Variants in TRPM3 observed in about 807,000 individuals in gnomAD.
TRPM3 encodes the protein transient receptor potential cation channel subfamily M member 3.
TRPM3 carries 77 observed loss-of-function variants against 181.2 expected under a neutral mutation model. That is an observed-to-expected ratio of 0.42 (90% CI 0.35 to 0.51). The LOEUF is 0.51. TRPM3 is among the 20% of genes least tolerant of loss of function. The pLI, the probability that TRPM3 is intolerant of heterozygous loss-of-function variation, is 0.01. For missense variants in TRPM3, 1,759 were observed against 2,196.7 expected (o/e 0.80, Z 3.98); for synonymous variants, 745 against 796.4 (o/e 0.94, Z 1.09).
At position 70,839,719 on chromosome 9, in the gene TRPM3, A is replaced by G. The variant is rs547121176; in HGVS notation, c.801+3284T>C. ...TTGACATTTATTTTGTACCTCTTCA[A>G]TATTATTCTGGAGTATAAACAGACT... On this transcript the variant is annotated intron_variant, in intron 5 of 25. Transcript: ENST00000677713. 5.9e-5 allele frequency among the ~76,000 whole-genome samples: 9 copies of G among 152,288 alleles called. No homozygotes were observed. In the South Asian group the frequency reaches 1.9e-3, roughly 32 times the overall value.
At chr9:71,399,171 G>A (rs1464795573) in intron 1 of TRPM3, among the ~76,000 whole-genome samples, 2 of 152,092 alleles carry the variant, frequency 1.3e-5, no homozygotes, top group Admixed American at 1.3e-4. Context: ...AGGAGACTAA[G>A]ATAGTATAAT....
At chr9:71,350,468 A>T (rs1333351267) in intron 1 of TRPM3, among the ~76,000 whole-genome samples, 1 of 152,194 alleles carries the variant, frequency 6.6e-6, no homozygotes, top group Non-Finnish European at 1.5e-5. Context: ...TAAATACAAT[A>T]GGTGGATCGC....
At chr9:71,018,484 G>T (rs898225300) in intron 1 of TRPM3, among the ~76,000 whole-genome samples, 2 of 151,588 alleles carry the variant, frequency 1.3e-5, no homozygotes, top group African/African-American at 2.4e-5. Flanking sequence ...TGTAAAAATG[G>T]TCATCGTCAT....
At chr9:70,764,201 T>C (rs1382384415) in intron 7 of TRPM3, among the ~76,000 whole-genome samples, 4 of 152,210 alleles carry the variant, frequency 2.6e-5, no homozygotes, top group Admixed American at 2.6e-4. Context: ...CAATTAATTT[T>C]CTTGAAAAGT....
intron 1 of TRPM3, among the ~76,000 whole-genome samples, chr9:71,153,026 T>C (rs1047537613): frequency 3.3e-5 from 5 of 152,216 alleles, no homozygotes; most frequent in African/African-American, 1.2e-4. Context: ...GTCATGCCAT[T>C]ACAGCATTTC....
chr9:70,808,136 T>C (rs942445215), intron 6 of TRPM3, among the ~76,000 whole-genome samples: 4 of 152,174 alleles, frequency 2.6e-5, no homozygotes, highest in Non-Finnish European at 2.9e-5. Context: ...AAGGAAGATA[T>C]TGGGTTCCAT....
At chr9:71,276,748 A>C (rs2084244085) in intron 1 of TRPM3, among the ~76,000 whole-genome samples, 1 of 152,232 alleles carries the variant, frequency 6.6e-6, no homozygotes, top group African/African-American at 2.4e-5. Flanking sequence ...ATCACGTAGG[A>C]AAGTTGAACA....
intron 1 of TRPM3, among the ~76,000 whole-genome samples, chr9:71,143,618 T>C (rs899562217): frequency 1.3e-5 from 2 of 152,198 alleles, no homozygotes; most frequent in Non-Finnish European, 2.9e-5. Flanking sequence ...ATTCTATGTG[T>C]TTGCTATTGT....
chr9:70,978,739 T>C (rs2097332584), intron 1 of TRPM3, among the ~76,000 whole-genome samples: 1 of 152,214 alleles, frequency 6.6e-6, no homozygotes, highest in Admixed American at 6.5e-5. Context: ...TGGAAACACA[T>C]TTGTTTTGTT....
At chr9:70,976,434 C>T (rs1211513869) in intron 1 of TRPM3, among the ~76,000 whole-genome samples, 5 of 152,114 alleles carry the variant, frequency 3.3e-5, no homozygotes. Context: ...AAAGCATATG[C>T]CGGAGTAAAG....
intron 1 of TRPM3, among the ~76,000 whole-genome samples, chr9:70,942,728 A>G (rs1025435122): frequency 1.2e-4 from 19 of 152,204 alleles, no homozygotes; most frequent in African/African-American, 4.6e-4. Flanking sequence ...GCAATGTGCT[A>G]TTGGGCAAAC....
intron 1 of TRPM3, among the ~76,000 whole-genome samples, chr9:71,415,825 T>A (rs1300285793): frequency 6.6e-6 from 1 of 151,794 alleles, no homozygotes; most frequent in Non-Finnish European, 1.5e-5. Context: ...GTACAAAGAT[T>A]TTTATAAAAT....
chr9:71,305,410 A>G (rs182447264), intron 1 of TRPM3, among the ~76,000 whole-genome samples: 2 of 152,290 alleles, frequency 1.3e-5, no homozygotes, highest in East Asian at 3.9e-4. Flanking sequence ...AGTAAGGCAG[A>G]AAACTGCCAC....
At chr9:71,050,819 C>A (rs1355572235) in intron 1 of TRPM3, among the ~76,000 whole-genome samples, 1 of 152,190 alleles carries the variant, frequency 6.6e-6, no homozygotes, top group Non-Finnish European at 1.5e-5. Flanking sequence ...GGCCTCTCTT[C>A]AAATATCTCT....
chr9:70,868,541 A>T (rs1263786153), intron 1 of TRPM3, among the ~76,000 whole-genome samples: 1 of 152,042 alleles, frequency 6.6e-6, no homozygotes, highest in African/African-American at 2.4e-5. Flanking sequence ...GAATCTTCTT[A>T]CTATGTCCTC....
intron 1 of TRPM3, among the ~76,000 whole-genome samples, chr9:70,985,952 A>G (rs994168840): frequency 1.3e-5 from 2 of 152,208 alleles, no homozygotes; most frequent in Non-Finnish European, 2.9e-5. Context: ...TTTTATTATT[A>G]TCACACTCTG....
intron 1 of TRPM3, among the ~76,000 whole-genome samples, chr9:71,198,029 A>G (rs2078508606): frequency 6.6e-6 from 1 of 150,654 alleles, no homozygotes. Context: ...TCTTTAATCC[A>G]TCTTGAATTA....
At chr9:70,765,328 T>C (rs1376234053) in intron 7 of TRPM3, among the ~76,000 whole-genome samples, 6 of 152,206 alleles carry the variant, frequency 3.9e-5, no homozygotes, top group Non-Finnish European at 8.8e-5. Flanking sequence ...TGGTGGCTTA[T>C]GCCTGTAATC....
At chr9:70,675,060 C>G (rs1174290725) in intron 9 of TRPM3, among the ~76,000 whole-genome samples, 11 of 151,876 alleles carry the variant, frequency 7.2e-5, no homozygotes, top group Non-Finnish European at 1.3e-4. Context: ...ACTGGCTATT[C>G]TTTTTGCATT....
Sources: gnomAD v4.1 joint callset for allele counts (sites outside exome capture counted in the v4.1 genomes callset) on GRCh38, gnomAD v4.1.1 for gene constraint, MANE v1.5 for transcripts, NCBI Gene and HGNC (gene_info 2026-07-23, HGNC 2026-07-21) for gene names.